The following ASB15 variants were observed in gnomAD, a reference collection of about 807,000 sequenced individuals.
ASB15 encodes ankyrin repeat and SOCS box containing 15.
A neutral mutation model predicts 58.0 loss-of-function variants in ASB15; 54 were observed. That is an observed-to-expected ratio of 0.93 (90% confidence interval 0.75 to 1.17). The LOEUF is 1.17. ASB15 is among the 50% of genes most tolerant of loss of function. The pLI, the probability that ASB15 is intolerant of heterozygous loss-of-function variation, is 0.00. For missense variants in ASB15, 680 were observed against 707.4 expected, an observed-to-expected ratio of 0.96 and a Z score of 0.44; for synonymous variants, 249 against 262.4, an observed-to-expected ratio of 0.95 and a Z score of 0.50.
chr7:123,581,852 A>G (rs990747125), intron 1 of ASB15, among the ~76,000 whole-genome samples: 1 of 151,964 alleles, frequency 6.6e-6, no homozygotes, highest in African/African-American at 2.4e-5. Context: ...AAGACATGAA[A>G]CTTCAAGAGT....
chr7:123,616,341 A>T (rs775118208), intron 5 of ASB15, 23 bp from the exon 6 acceptor site: 2 of 1,610,438 alleles, frequency 1.2e-6, no homozygotes, highest in Non-Finnish European at 1.7e-6. Context: ...GAGATTAGTC[A>T]TCAGTCCATG....
At chr7:123,602,470 T>C (rs1318072700) in intron 1 of ASB15, among the ~76,000 whole-genome samples, 3 of 152,106 alleles carry the variant, frequency 2.0e-5, no homozygotes, top group Non-Finnish European at 2.9e-5. Flanking sequence ...TTATCTGATA[T>C]CGTCACTCAT....
Position 123,624,762 on chromosome 7 carries a change from C to A in ASB15, c.645C>A (p.Gly215=), listed in dbSNP as rs758785121. The part of the protein sequence containing the change: ...LRDGFGVTPL[G]VAAEYGHCDV... Reference sequence around the variant, plus strand: ...ATGGATTTGGAGTCACACCACTAGGCGTCGCTGCCGAGTATGGTCACTGTG... The same window carrying A: ...ATGGATTTGGAGTCACACCACTAGGAGTCGCTGCCGAGTATGGTCACTGTG... The change falls in exon 8 of 12, where the codon GGC becomes GGA. Residue 215 remains glycine (G), a synonymous_variant. Coordinates refer to ENST00000451215, the MANE Select transcript of ASB15 (RefSeq NM_001290258.2). The A allele has an allele frequency of 6.2e-7, 1 of 1,613,862 alleles. No homozygotes were observed. Among genetic ancestry groups the A allele is most frequent in the African/African-American group, 1.3e-5 (1 of 74,912 alleles).
intron 11 of ASB15, among the ~76,000 whole-genome samples, chr7:123,634,723 T>TA (rs1350262865): frequency 6.6e-6 from 1 of 152,214 alleles, no homozygotes; most frequent in Non-Finnish European, 1.5e-5. Context: ...CATTCCTTTA[T>TA]AAAAGTATTC....
intron 1 of ASB15, among the ~76,000 whole-genome samples, chr7:123,573,288 CTTT>C (rs35889563): frequency 8.5e-6 from 1 of 117,906 alleles, no homozygotes; most frequent in Non-Finnish European, 1.8e-5. Flanking sequence ...TCTGGATTTG[CTTT>C]TTTTTTTTTT....
At chr7:123,584,844 T>C (rs1799333817) in intron 1 of ASB15, 1 of 151,912 alleles carries the variant, frequency 6.6e-6, no homozygotes, top group African/African-American at 2.4e-5. Context: ...AAGTTTTGAA[T>C]AAATTAAGAC....
chr7:123,620,554 ATTTTTTTTTTTTTTTTTT>A, intron 7 of ASB15, among the ~76,000 whole-genome samples: 1 of 10,056 alleles, frequency 9.9e-5, no homozygotes, highest in African/African-American at 3.8e-4. Flanking sequence ...ATATATATAT[ATTTTTTTTTTTTTTTTTT>A]TTTTTTTTTT....
rs1231968385 is a variant in ASB15 at position 123,616,502 on chromosome 7, G to GAACATAA, written c.292+13_292+19dup. 1.9e-6 allele frequency: 3 copies of GAACATAA among 1,610,646 alleles called. No homozygotes were observed. The African/African-American group carries it at 4.0e-5, about 22-fold the overall frequency. On this transcript the variant is annotated splice_region_variant and intron_variant, in intron 6 of 11. Transcript: ENST00000451215. ...CTTGAGATTGTTCTGGATGGTAAGA[G>GAACATAA]AACATAAAACATGTTTGACCAAGCC...
rs1224190284 is a variant in ASB15 at position 123,628,893 on chromosome 7, C to T, written c.899C>T (p.Ser300Phe). Residue 300 changes from serine (S) to phenylalanine (F), a missense_variant, in exon 10 of 12, where the codon TCT becomes TTT. Physicochemically the swap from Ser to Phe is radical, Grantham distance 155 (BLOSUM62 -2). Transcript: ENST00000451215. ...LALKYLIPVT[S>F]KNAIRKSGLT... ...CTGAAATATCTTATCCCAGTAACAT[C>T]TAAAAATGCAATTCGGAAAAGTGGG... 2.6e-6 allele frequency: 4 copies of T among 1,560,822 alleles called. No homozygotes were observed. The highest frequency in any genetic ancestry group is 3.5e-6 in the Non-Finnish European group (4 of 1,154,792).
At chr7:123,611,506 C>T (rs914152171) in intron 3 of ASB15, among the ~76,000 whole-genome samples, 2 of 151,970 alleles carry the variant, frequency 1.3e-5, no homozygotes, top group African/African-American at 4.8e-5. Context: ...CCGTGTTAGC[C>T]AGGATGGTCT....
intron 2 of ASB15, among the ~76,000 whole-genome samples, chr7:123,605,885 C>T (rs1255761840): frequency 1.3e-5 from 2 of 152,226 alleles, no homozygotes; most frequent in Middle Eastern, 3.4e-3. Flanking sequence ...GAAAAACTAC[C>T]TATGAGGTAC....
chr7:123,619,971 A>C (rs1801131295), intron 7 of ASB15: 1 of 152,292 alleles, frequency 6.6e-6, no homozygotes, highest in Admixed American at 6.5e-5. Context: ...AAACAAATAA[A>C]CAAGAATGGC....
At chr7:123,582,712 G>A (rs1029166815) in intron 1 of ASB15, among the ~76,000 whole-genome samples, 1 of 151,800 alleles carries the variant, frequency 6.6e-6, no homozygotes, top group Non-Finnish European at 1.5e-5. Flanking sequence ...ATCGTCTAAG[G>A]CATACTCTTG....
At chr7:123,614,677 G>T in intron 4 of ASB15, 68 bp downstream of exon 4, 2 of 1,015,710 alleles carry the variant, frequency 2.0e-6, no homozygotes, top group South Asian at 2.7e-5. Flanking sequence ...AAGATAAAAT[G>T]AATACCGTTT....
Position 123,639,299 on chromosome 7 carries a change from CTGTAA to C in ASB15, c.*2323_*2327del, listed in dbSNP as rs1398345784. The C allele has an allele frequency of 6.6e-6, 1 of 152,044 alleles. No individual in the cohort carries two copies. Among genetic ancestry groups the C allele is most frequent in the Non-Finnish European group, 1.5e-5 (1 of 67,998 alleles). The allele number at this position is 152,044 out of a possible 1,614,324, so 9.4% of individuals were successfully genotyped here. A position where few individuals can be genotyped will look rare whatever the true frequency, so the allele number is the denominator to read the frequency against. On this transcript the variant is annotated 3_prime_UTR_variant, in exon 12 of 12. Coordinates refer to ENST00000451215, the MANE Select transcript of ASB15 (RefSeq NM_001290258.2). ...GGATATATTTTATATGTAAGTTAAA[CTGTAA>C]TGTATTTATATTTAATTGCAACATC...
chr7:123,585,547 A>C (rs1052274742), intron 1 of ASB15, among the ~76,000 whole-genome samples: 25 of 151,950 alleles, frequency 1.6e-4, no homozygotes, highest in African/African-American at 5.8e-4. Context: ...ATAATGCTGC[A>C]ATGTGATTGT....
intron 3 of ASB15, among the ~76,000 whole-genome samples, chr7:123,611,528 C>T (rs773562762): frequency 6.6e-6 from 1 of 152,110 alleles, no homozygotes. Context: ...GATCTCCTGA[C>T]CTCGTGACCC....
At chr7:123,634,010 C>G (rs151045372) in intron 11 of ASB15, among the ~76,000 whole-genome samples, 1 of 152,088 alleles carries the variant, frequency 6.6e-6, no homozygotes. Flanking sequence ...TTTAAATATA[C>G]GATTGGTGGG....
chr7:123,588,941 G>A (rs1190008278), intron 1 of ASB15, among the ~76,000 whole-genome samples: 1 of 151,636 alleles, frequency 6.6e-6, no homozygotes, highest in Non-Finnish European at 1.5e-5. Context: ...TAATTGATAT[G>A]AATTCAATCT....
Sources: gnomAD v4.1 joint callset for allele counts (sites outside exome capture counted in the v4.1 genomes callset) on GRCh38, gnomAD v4.1.1 for gene constraint, MANE v1.5 for transcripts, NCBI Gene and HGNC (gene_info 2026-07-23, HGNC 2026-07-21) for gene names.